MAP3K19: variants seen among roughly 807,000 people sequenced by gnomAD.
The protein encoded by MAP3K19 is mitogen-activated protein kinase kinase kinase 19.
A neutral mutation model predicts 114.4 loss-of-function variants in MAP3K19; 91 were observed. That is an observed-to-expected ratio of 0.80 (90% CI 0.67 to 0.95). The LOEUF (loss-of-function observed/expected upper bound fraction) is 0.95, where lower values mean the gene tolerates loss of function less well. Ranked by LOEUF, MAP3K19 falls within the 40% of genes least tolerant of loss-of-function variation. The probability of loss-of-function intolerance (pLI) is 0.00; values close to 1 mark genes in which losing one functional copy is unlikely to be tolerated. For missense variants in MAP3K19, 1,471 were observed against 1,573.2 expected (o/e 0.94, Z 1.10); for synonymous variants, 518 against 530.5 (o/e 0.98, Z 0.32).
At chr2:134,969,226 C>G (rs1380030152) in intron 12 of MAP3K19, among the ~76,000 whole-genome samples, 1 of 152,050 alleles carries the variant, frequency 6.6e-6, no homozygotes, top group Non-Finnish European at 1.5e-5. Flanking sequence ...GCGGCGCGTG[C>G]CTGTAATCGC....
intron 2 of MAP3K19, among the ~76,000 whole-genome samples, chr2:135,035,921 G>A (rs181802544): frequency 5.6e-4 from 85 of 152,162 alleles, no homozygotes; most frequent in African/African-American, 1.9e-3. Context: ...TGCAACCTCC[G>A]CCTCCAGGGT....
intron 6 of MAP3K19, among the ~76,000 whole-genome samples, chr2:135,001,870 T>C (rs1376464127): frequency 2.6e-5 from 4 of 152,244 alleles, no homozygotes; most frequent in Non-Finnish European, 5.9e-5. Context: ...AACAAAGATA[T>C]AACAAGCACA....
chr2:135,009,072 C>T (rs1156605756), intron 5 of MAP3K19, among the ~76,000 whole-genome samples: 2 of 152,010 alleles, frequency 1.3e-5, no homozygotes, highest in African/African-American at 2.4e-5. Flanking sequence ...CTGCCTTAGC[C>T]TCCCAAGTAG....
In MAP3K19 at chr2:134,983,686, G is replaced by C; in HGVS notation, c.3212C>G (p.Ala1071Gly). Reference sequence around the variant, plus strand: ...TCCAGTTTAACTTACTGTGCCGTAGGCTCCCTTTCCAAGAATCTCACCCTT... The same window carrying C: ...TCCAGTTTAACTTACTGTGCCGTAGCCTCCCTTTCCAAGAATCTCACCCTT... ...WTKGEILGKG[A>G]YGTVYCGLTS... The change falls in exon 11 of 13, where the codon GCC becomes GGC. Residue 1071 changes from alanine (A) to glycine (G), a missense_variant. Transcript: ENST00000392915. 1.3e-6 allele frequency: 2 copies of C among 1,567,858 alleles called. No individual in the cohort carries two copies. Among genetic ancestry groups the C allele is most frequent in the Non-Finnish European group, 1.7e-6 (2 of 1,162,812 alleles).
rs1476921598 is a variant in MAP3K19 at position 134,987,748 on chromosome 2, G to A, written c.1124C>T (p.Ser375Leu). The A allele has an allele frequency of 2.5e-6, 4 of 1,609,360 alleles. No individual in the cohort carries two copies. The African/African-American group carries it at 4.0e-5, about 16-fold the overall frequency. ...ATCTTGTTCATAGTTTTTGGCTACT[G>A]AACTCTCATTCTTTCTTGATGAAAG... Reference protein sequence around the residue: ...QYLSSRKNESSVAKNYEQDPE... With the variant: ...QYLSSRKNESLVAKNYEQDPE... Residue 375 changes from serine to leucine, a missense_variant, in exon 10 of 13, where the codon TCA (serine) becomes TTA (leucine). Physicochemically the swap from Ser to Leu is moderately radical, Grantham distance 145 (BLOSUM62 -2). Transcript: ENST00000392915.
rs945993977 is a variant in MAP3K19, at chr2:134,986,767, C to T, written c.2105G>A (p.Arg702Gln). The T allele has an allele frequency of 5.6e-6, 9 of 1,614,076 alleles. No individual in the cohort carries two copies. Among genetic ancestry groups the T allele is most frequent in the South Asian group, 2.2e-5 (2 of 91,080 alleles). Residue 702 changes from arginine (R) to glutamine (Q), a missense_variant, in exon 10 of 13, where the codon CGA (arginine) becomes CAA (glutamine). Arg to Gln is a conservative substitution (Grantham distance 43). Transcript: ENST00000392915. ...PSGRRITNKCRSSHSERKSNI... is the reference protein window; with the variant it reads ...PSGRRITNKCQSSHSERKSNI... ...GCTCTTCCTCTCACTGTGTGAAGAT[C>T]GACATTTATTGGTGATACGTCTGCC...
intron 3 of MAP3K19, 145 bp downstream of exon 3, chr2:135,030,167 C>G (rs968087431): frequency 6.6e-6 from 1 of 152,134 alleles, no homozygotes; most frequent in East Asian, 1.9e-4. Flanking sequence ...TGTTTGATCC[C>G]CTTTCTTTTT....
chr2:135,036,841 A>G (rs1461510299), intron 2 of MAP3K19, among the ~76,000 whole-genome samples: 1 of 152,138 alleles, frequency 6.6e-6, no homozygotes, highest in Admixed American at 6.5e-5. Context: ...TTGAAGAAAA[A>G]TTGGAGTCCA....
intron 5 of MAP3K19, among the ~76,000 whole-genome samples, chr2:135,013,930 T>G (rs1687409691): frequency 2.0e-5 from 3 of 152,220 alleles, no homozygotes; most frequent in Admixed American, 2.0e-4. Flanking sequence ...TTCAATTTAA[T>G]AGAGCACTTA....
In MAP3K19 at chr2:134,987,481, G is replaced by A; in HGVS notation, c.1391C>T (p.Thr464Ile). 6.2e-7 allele frequency: 1 copy of A among 1,614,066 alleles called. No homozygotes were observed. Among genetic ancestry groups the A allele is most frequent in the South Asian group, 1.1e-5 (1 of 91,070 alleles). ...KLPEGCSSME[T>I]NIKISIAERA... ...TTCTGCTATTGATATTTTTATGTTTGTCTCCATGCTGCTACAACCTTCTGG... is the reference window on the plus strand; with the variant it reads ...TTCTGCTATTGATATTTTTATGTTTATCTCCATGCTGCTACAACCTTCTGG... The change falls in exon 10 of 13, where the codon ACA becomes ATA. Residue 464 changes from threonine (T) to isoleucine (I), a missense_variant. Coordinates refer to ENST00000392915, the MANE Select transcript of MAP3K19 (RefSeq NM_025052.5).
chr2:135,029,267 T>A (rs62168929), intron 3 of MAP3K19, among the ~76,000 whole-genome samples: 6,184 of 152,154 alleles, frequency 0.041, 144 homozygotes, highest in African/African-American at 0.051. Context: ...TCCCAGCTAC[T>A]CCAGAGGCTG....
intron 5 of MAP3K19, among the ~76,000 whole-genome samples, chr2:135,013,659 T>C (rs1441347059): frequency 1.3e-5 from 2 of 152,190 alleles, no homozygotes; most frequent in African/African-American, 2.4e-5. Flanking sequence ...GTCCTTTTAT[T>C]TAAAGCCTAA....
intron 8 of MAP3K19, among the ~76,000 whole-genome samples, chr2:134,995,872 C>T (rs928543014): frequency 2.0e-5 from 3 of 151,754 alleles, no homozygotes; most frequent in African/African-American, 7.3e-5. Context: ...CCAAACTGAA[C>T]AATTAATAAA....
chr2:135,018,055 G>A (rs886755607), intron 5 of MAP3K19, among the ~76,000 whole-genome samples: 10 of 152,174 alleles, frequency 6.6e-5, no homozygotes, highest in Admixed American at 2.0e-4. Flanking sequence ...ACTCTGGGAG[G>A]CCGAGGCAGG....
At chr2:134,970,841 C>T (rs545640748) in intron 12 of MAP3K19, among the ~76,000 whole-genome samples, 3 of 152,230 alleles carry the variant, frequency 2.0e-5, no homozygotes, top group African/African-American at 7.2e-5. Context: ...TCATGATCTG[C>T]CTGCCTTAGC....
intron 3 of MAP3K19, among the ~76,000 whole-genome samples, chr2:135,029,649 T>C (rs541169184): frequency 6.6e-6 from 1 of 152,354 alleles, no homozygotes; most frequent in South Asian, 2.1e-4. Context: ...AACTGTTTCC[T>C]AGCAGCAATT....
Position 134,983,611 on chromosome 2 carries a change from AG to A in MAP3K19, c.3222+64del, listed in dbSNP as rs1248830049. On this transcript the variant is annotated intron_variant, in intron 11 of 12. Coordinates refer to ENST00000392915, the MANE Select transcript of MAP3K19 (RefSeq NM_025052.5). ...CAGGGAGGATGACTGGGGGAGTGGG[AG>A]GGGTGGAGGGAGGGACTGTGGGGGG... is the stretch of plus-strand genomic sequence containing the variant. 4 of 783,720 alleles carry A rather than the reference AG, an allele frequency of 5.1e-6. No homozygotes were observed. In the African/African-American group the frequency reaches 2.1e-4, roughly 41 times the overall value. 48.5% of individuals were successfully genotyped at this position (783,720 alleles called of 1,614,324 possible).
At chr2:135,012,445 A>C (rs1043105603) in intron 5 of MAP3K19, among the ~76,000 whole-genome samples, 1 of 152,228 alleles carries the variant, frequency 6.6e-6, no homozygotes, top group Non-Finnish European at 1.5e-5. Context: ...AAAATATTCA[A>C]ATAGGATTTA....
At chr2:135,021,605 C>A in intron 5 of MAP3K19, 110 bp downstream of exon 5, 1 of 610,922 alleles carries the variant, frequency 1.6e-6, no homozygotes, top group Non-Finnish European at 2.8e-6. Context: ...TTTATGATTA[C>A]ACTTAAAAAT....
Sources: gnomAD v4.1 joint callset for allele counts (sites outside exome capture counted in the v4.1 genomes callset) on GRCh38, gnomAD v4.1.1 for gene constraint, MANE v1.5 for transcripts, NCBI Gene and HGNC (gene_info 2026-07-23, HGNC 2026-07-21) for gene names.